Variants in AGBL1 observed in about 807,000 individuals in gnomAD.
The protein encoded by AGBL1 is cytosolic carboxypeptidase 4.
AGBL1 carries 130 observed loss-of-function variants against 118.9 expected under a neutral mutation model. The observed-to-expected ratio is 1.09, with a 90% CI of 0.95 to 1.26. The LOEUF is 1.26. Among genes scored for constraint, AGBL1 ranks in the 50% most tolerant of loss-of-function variants. The pLI is 0.00. For synonymous variants in AGBL1, 555 were observed against 478.9 expected, an observed-to-expected ratio of 1.16 and a Z score of -2.08; for missense variants, 1,584 against 1,298.1, an observed-to-expected ratio of 1.22 and a Z score of -3.38.
At chr15:86,362,021 G>T (rs1250070104) in intron 17 of AGBL1, among the ~76,000 whole-genome samples, 2 of 151,856 alleles carry the variant, frequency 1.3e-5, no homozygotes, top group African/African-American at 2.4e-5. Flanking sequence ...TTTCTTCTTT[G>T]CTTCTGTCTT....
At chr15:86,164,870 C>T (rs1343968139) in intron 5 of AGBL1, among the ~76,000 whole-genome samples, 1 of 152,174 alleles carries the variant, frequency 6.6e-6, no homozygotes, top group African/African-American at 2.4e-5. Flanking sequence ...CCTCACCGCT[C>T]ACCTTCATTT....
chr15:86,737,684 G>C (rs1429788921), intron 22 of AGBL1, among the ~76,000 whole-genome samples: 1 of 152,008 alleles, frequency 6.6e-6, no homozygotes, highest in Non-Finnish European at 1.5e-5. Context: ...GGGTTTCAAT[G>C]GTAAAGATCC....
At chr15:86,688,887 AGAC>A (rs150788652) in intron 22 of AGBL1, among the ~76,000 whole-genome samples, 1,737 of 152,264 alleles carry the variant, frequency 0.011, 25 homozygotes, top group East Asian at 0.071. Flanking sequence ...CAGTATCCCC[AGAC>A]AACAACTGAC....
chr15:86,658,517 C>T (rs2085494007), intron 21 of AGBL1, among the ~76,000 whole-genome samples: 1 of 152,102 alleles, frequency 6.6e-6, no homozygotes, highest in Admixed American at 6.6e-5. Flanking sequence ...ATCCTAGGTG[C>T]CCATTTAATT....
chr15:86,444,686 G>C (rs942249068), intron 18 of AGBL1, among the ~76,000 whole-genome samples: 1 of 152,142 alleles, frequency 6.6e-6, no homozygotes, highest in South Asian at 2.1e-4. Context: ...GCAGCAGAAA[G>C]GGAGAGCGTG....
chr15:86,452,749 T>C (rs764089060), intron 18 of AGBL1, among the ~76,000 whole-genome samples: 1 of 152,094 alleles, frequency 6.6e-6, no homozygotes, highest in Non-Finnish European at 1.5e-5. Flanking sequence ...TCTGCCCTCA[T>C]CTCCTCACGC....
rs111386628 is a variant in AGBL1, at chr15:86,200,824, C to G, written c.489-24090C>G. 4.7e-3 allele frequency among the ~76,000 whole-genome samples: 713 copies of G among 152,100 alleles called. 8 individuals carry two copies. The highest frequency in any genetic ancestry group is 0.016 in the African/African-American group (682 of 41,506). ...AGAGATGAGGTTTCACCAGGTTGGC[C>G]AGGCTGGTCTCCAACTCCTGACCTC... is the stretch of plus-strand genomic sequence containing the variant. On this transcript the variant is annotated intron_variant, in intron 5 of 22. Transcript: ENST00000614907.
intron 15 of AGBL1, among the ~76,000 whole-genome samples, chr15:86,278,310 A>C (rs1337338681): frequency 1.3e-5 from 2 of 152,190 alleles, no homozygotes; most frequent in African/African-American, 4.8e-5. Context: ...ATGTTGTTAC[A>C]GGGTACCCTC....
intron 18 of AGBL1, among the ~76,000 whole-genome samples, chr15:86,510,731 G>A (rs1489631631): frequency 1.3e-5 from 2 of 152,088 alleles, no homozygotes; most frequent in East Asian, 1.9e-4. Flanking sequence ...AGATGGAGAT[G>A]ATCAGGAACA....
At position 86,541,616 on chromosome 15, in the gene AGBL1, A is replaced by AAGAGAG. The variant is rs1231412909; in HGVS notation, c.2686-4372_2686-4367dup. On this transcript the variant is annotated intron_variant, in intron 19 of 22. Transcript: ENST00000614907. ...CTCAAAAAAAAAAAAAAAAAAAAAA[A>AAGAGAG]AGAGAGAGAGAGAGAGAGACCCACT... 1.9e-3 allele frequency among the ~76,000 whole-genome samples: 189 copies of AAGAGAG among 97,048 alleles called. 2 individuals are homozygous for AAGAGAG. The highest frequency in any genetic ancestry group is 7.6e-3 in the African/African-American group (179 of 23,652). 63.7% of individuals were successfully genotyped at this position (97,048 alleles called of 152,430 possible). A position where few individuals can be genotyped will look rare whatever the true frequency, so the allele number is the denominator to read the frequency against.
intron 18 of AGBL1, among the ~76,000 whole-genome samples, chr15:86,479,656 C>A (rs920385184): frequency 1.3e-5 from 2 of 152,184 alleles, no homozygotes; most frequent in Non-Finnish European, 2.9e-5. Flanking sequence ...ACTAGTTCAA[C>A]CATTGTGGAA....
chr15:86,669,589 T>G (rs1259686276), intron 21 of AGBL1, among the ~76,000 whole-genome samples: 1 of 152,104 alleles, frequency 6.6e-6, no homozygotes, highest in Non-Finnish European at 1.5e-5. Context: ...GAAATGAAAA[T>G]AAATTTAAAT....
intron 1 of AGBL1, among the ~76,000 whole-genome samples, chr15:86,099,566 G>A (rs1379628965): frequency 1.4e-5 from 2 of 147,192 alleles, no homozygotes; most frequent in Non-Finnish European, 3.0e-5. Flanking sequence ...TTGAAACAGA[G>A]TCTCACTCTG....
chr15:86,984,312 G>A, intron 23 of AGBL1, among the ~76,000 whole-genome samples: 1 of 149,918 alleles, frequency 6.7e-6, no homozygotes, highest in Non-Finnish European at 1.5e-5. Flanking sequence ...TGTGTCTATT[G>A]ACATATTTTG....
intron 22 of AGBL1, among the ~76,000 whole-genome samples, chr15:86,784,716 C>A (rs184882060): frequency 6.8e-4 from 103 of 152,164 alleles, no homozygotes; most frequent in African/African-American, 2.3e-3. Context: ...ATAAATTATC[C>A]ATAGAGACAG....
At position 86,912,210 on chromosome 15, in the gene AGBL1, C is replaced by T. The variant is rs1423572916; in HGVS notation, c.*4916C>T. On this transcript the variant is annotated 3_prime_UTR_variant, in exon 23 of 23. Transcript: ENST00000614907. ...GTGTAGCACAAGTGCAGCCTGGCCT[C>T]TCAAGCTGGTGGTTGCCATGGAAGA... 5 of 152,226 alleles carry T rather than the reference C, an allele frequency of 3.3e-5. No homozygotes were observed. Among genetic ancestry groups the T allele is most frequent in the Non-Finnish European group, 7.3e-5 (5 of 68,068 alleles). 9.4% of individuals were successfully genotyped at this position (152,226 alleles called of 1,614,324 possible).
intron 22 of AGBL1, among the ~76,000 whole-genome samples, chr15:86,675,421 T>C (rs1372261274): frequency 6.6e-6 from 1 of 152,188 alleles, no homozygotes; most frequent in Non-Finnish European, 1.5e-5. Flanking sequence ...AATACTGCTT[T>C]GGAAGGCCGT....
intron 22 of AGBL1, among the ~76,000 whole-genome samples, chr15:86,841,313 G>T (rs1022101230): frequency 6.6e-6 from 1 of 152,176 alleles, no homozygotes; most frequent in African/African-American, 2.4e-5. Context: ...AGAGAGAGGA[G>T]ATGGAGTATA....
intron 17 of AGBL1, among the ~76,000 whole-genome samples, chr15:86,345,066 G>A (rs909342187): frequency 6.6e-6 from 1 of 152,112 alleles, no homozygotes; most frequent in African/African-American, 2.4e-5. Context: ...TTTAGACTCT[G>A]GGGAGCAGCA....
Sources: allele counts gnomAD v4.1 joint callset (sites outside exome capture counted in the v4.1 genomes callset), GRCh38; gene constraint gnomAD v4.1.1; transcripts MANE v1.5; gene names NCBI Gene and HGNC (gene_info 2026-07-23, HGNC 2026-07-21).